KHDRBS3: variants seen among roughly 807,000 people sequenced by gnomAD.
KHDRBS3 encodes KH domain-containing, RNA-binding, signal transduction-associated protein 3.
KHDRBS3 carries 23 observed loss-of-function variants against 45.6 expected under a neutral mutation model. That is an observed-to-expected ratio of 0.50 (90% CI 0.36 to 0.72). The LOEUF is 0.72. KHDRBS3 is among the 30% of genes least tolerant of loss of function. KHDRBS3 has a pLI of 0.00. For synonymous variants in KHDRBS3, 162 were observed against 156.5 expected, an observed-to-expected ratio of 1.04 and a Z score of -0.26; for missense variants, 352 against 424.8, an observed-to-expected ratio of 0.83 and a Z score of 1.51.
At chr8:135,550,248 C>T (rs1020982613) in intron 4 of KHDRBS3, among the ~76,000 whole-genome samples, 8 of 152,158 alleles carry the variant, frequency 5.3e-5, no homozygotes, top group Non-Finnish European at 8.8e-5. Flanking sequence ...ATGACCCTTA[C>T]GATCCTTCCC....
intron 5 of KHDRBS3, among the ~76,000 whole-genome samples, chr8:135,581,436 T>A (rs1563783719): frequency 6.6e-6 from 1 of 152,226 alleles, no homozygotes; most frequent in Non-Finnish European, 1.5e-5. Context: ...TTTTGGCATA[T>A]ATTTTGGCCT....
At chr8:135,621,084 A>C (rs1830117940) in intron 7 of KHDRBS3, among the ~76,000 whole-genome samples, 1 of 148,550 alleles carries the variant, frequency 6.7e-6, no homozygotes, top group Non-Finnish European at 1.5e-5. Context: ...AAATTGATGT[A>C]GTCTTCAACT....
intron 1 of KHDRBS3, among the ~76,000 whole-genome samples, chr8:135,506,443 G>A (rs1244394754): frequency 1.5e-5 from 2 of 137,474 alleles, no homozygotes; most frequent in Non-Finnish European, 3.1e-5. Flanking sequence ...TTGCTCTGTT[G>A]CCCAGGCTGG....
chr8:135,631,935 G>A (rs149175207), intron 7 of KHDRBS3, among the ~76,000 whole-genome samples: 65 of 152,272 alleles, frequency 4.3e-4, no homozygotes, highest in Middle Eastern at 3.4e-3. Context: ...AATGCATTGC[G>A]CTATGATGCT....
At chr8:135,554,801 AT>A (rs956326074) in intron 4 of KHDRBS3, among the ~76,000 whole-genome samples, 3 of 152,114 alleles carry the variant, frequency 2.0e-5, no homozygotes, top group Non-Finnish European at 4.4e-5. Context: ...CTTTTGAAAA[AT>A]TTTTTAAAAT....
intron 1 of KHDRBS3, among the ~76,000 whole-genome samples, chr8:135,476,556 A>G (rs1236537393): frequency 6.6e-6 from 1 of 152,198 alleles, no homozygotes; most frequent in African/African-American, 2.4e-5. Context: ...GGAAATCATT[A>G]TCCTTGCACT....
intron 1 of KHDRBS3, among the ~76,000 whole-genome samples, chr8:135,465,981 A>G (rs1056964142): frequency 3.9e-5 from 6 of 152,096 alleles, no homozygotes; most frequent in African/African-American, 1.4e-4. Flanking sequence ...TTCATTTTCA[A>G]CATTTTTCCT....
At chr8:135,576,108 A>G (rs1827934838) in intron 5 of KHDRBS3, among the ~76,000 whole-genome samples, 1 of 152,142 alleles carries the variant, frequency 6.6e-6, no homozygotes, top group South Asian at 2.1e-4. Context: ...AGTTTGGGGA[A>G]CCAAAACCAC....
At chr8:135,474,178 G>GAA (rs11458798) in intron 1 of KHDRBS3, among the ~76,000 whole-genome samples, 1,903 of 151,466 alleles carry the variant, frequency 0.013, 33 homozygotes, top group African/African-American at 0.044. Flanking sequence ...CCGTCTGTTT[G>GAA]AAAAAAAAAT....
intron 6 of KHDRBS3, among the ~76,000 whole-genome samples, chr8:135,599,754 C>T (rs771917394): frequency 3.8e-4 from 58 of 152,272 alleles, no homozygotes; most frequent in African/African-American, 1.3e-3. Flanking sequence ...TTATCATGGA[C>T]GCAGGAAGGA....
rs186394603 is a variant in KHDRBS3, at chr8:135,525,420, A to G, written c.207+4065A>G. On this transcript the variant is annotated intron_variant, in intron 2 of 8. Transcript: ENST00000355849. ...CACTATGGTTTTCTCAGTCTCTGCC[A>G]CTAAAGCCAAAAGCTCTAAAATGAG... Among the ~76,000 whole-genome samples, 4 of 152,308 alleles carry G rather than the reference A, an allele frequency of 2.6e-5. No homozygotes were observed. The East Asian group carries it at 5.8e-4, about 22-fold the overall frequency.
intron 4 of KHDRBS3, among the ~76,000 whole-genome samples, chr8:135,555,618 A>G (rs1324036473): frequency 6.6e-6 from 1 of 152,178 alleles, no homozygotes; most frequent in Non-Finnish European, 1.5e-5. Flanking sequence ...GTTTATATTT[A>G]TATGGCTTTC....
intron 7 of KHDRBS3, among the ~76,000 whole-genome samples, chr8:135,643,369 C>T (rs752917375): frequency 6.6e-6 from 1 of 152,080 alleles, no homozygotes; most frequent in African/African-American, 2.4e-5. Flanking sequence ...ACATATGTAA[C>T]GTGAGGGTCT....
At chr8:135,645,862 A>G (rs535645566) in intron 8 of KHDRBS3, among the ~76,000 whole-genome samples, 2 of 152,236 alleles carry the variant, frequency 1.3e-5, no homozygotes, top group African/African-American at 4.8e-5. Flanking sequence ...GTGCAAGTAT[A>G]TCAGGATTGT....
chr8:135,457,724 C>G lies in KHDRBS3; in HGVS notation c.-143C>G, dbSNP rs1821179664. ...GCCCCCGTGCCGCCGCCGCCGCCTT[C>G]CGGCCGACCGCCCGGCTTGGCCGCT... On this transcript the variant is annotated 5_prime_UTR_variant, in exon 1 of 9. Transcript: ENST00000355849. The surrounding 1 kb of genome is among the most constrained non-coding windows in gnomAD (Gnocchi z 4.4). 1 of 185,540 alleles carries G rather than the reference C, an allele frequency of 5.4e-6. No individual in the cohort carries two copies. Among genetic ancestry groups the G allele is most frequent in the Non-Finnish European group, 1.0e-5 (1 of 97,638 alleles). The allele number at this position is 185,540 out of a possible 1,614,324, so 11.5% of individuals were successfully genotyped here.
chr8:135,519,365 A>G (rs552115774), intron 1 of KHDRBS3, among the ~76,000 whole-genome samples: 107 of 152,288 alleles, frequency 7.0e-4, no homozygotes, highest in Middle Eastern at 3.4e-3. Flanking sequence ...TAATCCCACA[A>G]GACTGCTGAC....
At chr8:135,566,176 TAGTG>T (rs2130866734) in intron 5 of KHDRBS3, among the ~76,000 whole-genome samples, 1 of 152,318 alleles carries the variant, frequency 6.6e-6, no homozygotes, top group East Asian at 1.9e-4. Context: ...AGTTAGTTGT[TAGTG>T]GAGTCAGGGT....
chr8:135,584,489 T>G (rs1340951643), intron 6 of KHDRBS3, among the ~76,000 whole-genome samples: 1 of 152,226 alleles, frequency 6.6e-6, no homozygotes, highest in African/African-American at 2.4e-5. Context: ...TCCCACTTAA[T>G]TTAGCATCTA....
Position 135,474,671 on chromosome 8 carries a change from G to GA in KHDRBS3, c.88+16724dup, listed in dbSNP as rs1262888267. 3.9e-5 allele frequency among the ~76,000 whole-genome samples: 6 copies of GA among 152,102 alleles called. No individual in the cohort carries two copies. In the East Asian group the frequency reaches 9.7e-4, roughly 24 times the overall value. On this transcript the variant is annotated intron_variant, in intron 1 of 8. Transcript: ENST00000355849. ...TTTAGAATGAGGTGTATCTGTGTAGGAAAAAAATGCTTTTTCTTTTTTCAA... is the reference window on the plus strand; with the variant it reads ...TTTAGAATGAGGTGTATCTGTGTAGGAAAAAAAATGCTTTTTCTTTTTTCAA...
Sources: allele counts gnomAD v4.1 joint callset (sites outside exome capture counted in the v4.1 genomes callset), GRCh38; gene constraint gnomAD v4.1.1; non-coding constraint Gnocchi (gnomAD v3.1); transcripts MANE v1.5; gene names NCBI Gene and HGNC (gene_info 2026-07-23, HGNC 2026-07-21).